The following DGLUCY variants were observed in gnomAD, a reference collection of about 807,000 sequenced individuals.
DGLUCY encodes the protein D-glutamate cyclase, mitochondrial.
A neutral mutation model predicts 58.5 loss-of-function variants in DGLUCY; 58 were observed. That is an observed-to-expected ratio of 0.99 (90% CI 0.80 to 1.23). The LOEUF (loss-of-function observed/expected upper bound fraction) is 1.23. Among genes scored for constraint, DGLUCY ranks in the 50% most tolerant of loss-of-function variants. The pLI is 0.00. For missense variants in DGLUCY, 779 were observed against 784.7 expected (o/e 0.99, Z 0.09); for synonymous variants, 325 against 314.1 (o/e 1.03, Z -0.37).
chr14:91,201,367 C>T lies in DGLUCY; in HGVS notation c.1444+1462C>T, dbSNP rs111641531. ...TGTCTCAAATGCAGTGGCGCAATCT[C>T]GGCTCACTGCAACCTCCGCCTCCCA... On this transcript the variant is annotated intron_variant, in intron 11 of 13. Coordinates refer to ENST00000256324, the MANE Select transcript of DGLUCY (RefSeq NM_001102368.3). Among the ~76,000 whole-genome samples, 124 of 151,458 alleles carry T rather than the reference C, an allele frequency of 8.2e-4. 1 individual carries two copies. Among genetic ancestry groups the T allele is most frequent in the African/African-American group, 2.8e-3 (114 of 41,310 alleles).
chr14:91,099,261 G>A (rs1384531180), intron 1 of DGLUCY, among the ~76,000 whole-genome samples: 1 of 152,116 alleles, frequency 6.6e-6, no homozygotes, highest in Non-Finnish European at 1.5e-5. Flanking sequence ...GGCCAGGCAC[G>A]GTGACTCATG....
intron 1 of DGLUCY, among the ~76,000 whole-genome samples, chr14:91,108,522 T>TGAGA (rs1318637468): frequency 6.0e-4 from 44 of 73,922 alleles, no homozygotes; most frequent in Middle Eastern, 9.4e-3. Flanking sequence ...TGTGTGTGTG[T>TGAGA]GTGTGAGAGA....
intron 1 of DGLUCY, among the ~76,000 whole-genome samples, chr14:91,067,290 T>C (rs1275606825): frequency 6.6e-6 from 1 of 151,736 alleles, no homozygotes; most frequent in Non-Finnish European, 1.5e-5. Flanking sequence ...AGGTGGTACA[T>C]GGACAGTCAT....
chr14:91,068,368 A>C (rs549329835), intron 1 of DGLUCY, among the ~76,000 whole-genome samples: 11 of 152,294 alleles, frequency 7.2e-5, no homozygotes, highest in Non-Finnish European at 1.5e-5. Flanking sequence ...ATCCAATTAA[A>C]AGATATAAAG....
intron 13 of DGLUCY, chr14:91,223,889 G>A (rs1435114504): frequency 6.2e-6 from 2 of 322,322 alleles, no homozygotes; most frequent in African/African-American, 4.3e-5. Context: ...CTAAGGCACA[G>A]AACAGTTAAA....
intron 7 of DGLUCY, among the ~76,000 whole-genome samples, chr14:91,179,151 C>T (rs572373194): frequency 5.9e-5 from 9 of 152,212 alleles, no homozygotes; most frequent in Non-Finnish European, 1.0e-4. Flanking sequence ...GAGCAATGGT[C>T]GCTCTTCTCC....
chr14:91,084,692 G>C (rs958619666), intron 1 of DGLUCY, among the ~76,000 whole-genome samples: 1 of 152,182 alleles, frequency 6.6e-6, no homozygotes, highest in African/African-American at 2.4e-5. Flanking sequence ...GCTTTGGTCT[G>C]CTCCACTCCA....
intron 13 of DGLUCY, chr14:91,220,570 C>T (rs1170463547): frequency 4.4e-6 from 2 of 456,230 alleles, no homozygotes; most frequent in African/African-American, 4.0e-5. Context: ...CTGGGGCCTC[C>T]AGATGCCATG....
exon 1 of DGLUCY, chr14:91,060,657 C>A (rs1595591553): frequency 8.6e-6 from 4 of 465,238 alleles, no homozygotes; most frequent in Non-Finnish European, 1.0e-5. Context: ...CAAACCGCCC[C>A]CTGCTCCACC....
At chr14:91,060,973 CCTTATTCCCCAG>C (rs2043656535) in intron 1 of DGLUCY, 1 of 152,666 alleles carries the variant, frequency 6.6e-6, no homozygotes, top group South Asian at 2.0e-4. Context: ...CGGTCACACC[CCTTATTCCCCAG>C]CTTCGATCTG....
chr14:91,204,693 C>G lies in DGLUCY; in HGVS notation c.1445-13C>G. ...CTGGTCCCGTGCACTGACTCAGCTCCCCTTCCCTTCAGGAGTCGGTGATGG... is the reference window on the plus strand; with the variant it reads ...CTGGTCCCGTGCACTGACTCAGCTCGCCTTCCCTTCAGGAGTCGGTGATGG... On this transcript the variant is annotated splice_polypyrimidine_tract_variant and intron_variant, in intron 11 of 13. Transcript: ENST00000256324. 6.2e-7 allele frequency: 1 copy of G among 1,613,234 alleles called. No individual in the cohort carries two copies. The highest frequency in any genetic ancestry group is 1.1e-5 in the South Asian group (1 of 90,882).
intron 1 of DGLUCY, among the ~76,000 whole-genome samples, chr14:91,097,637 GTC>G (rs1375552471): frequency 6.6e-6 from 1 of 150,612 alleles, no homozygotes; most frequent in Non-Finnish European, 1.5e-5. Flanking sequence ...TTGACCCCAT[GTC>G]TCTCTCTACT....
At chr14:91,192,173 C>A (rs1360079847) in intron 9 of DGLUCY, among the ~76,000 whole-genome samples, 1 of 152,144 alleles carries the variant, frequency 6.6e-6, no homozygotes, top group Non-Finnish European at 1.5e-5. Context: ...TATTACTCAG[C>A]CTTAAAAAGG....
intron 1 of DGLUCY, among the ~76,000 whole-genome samples, chr14:91,131,030 C>T (rs2045997955): frequency 6.6e-6 from 1 of 152,088 alleles, no homozygotes; most frequent in African/African-American, 2.4e-5. Flanking sequence ...TTACTGCAGC[C>T]TCAACCTCCC....
chr14:91,217,321 A>G (rs985503003), intron 13 of DGLUCY, among the ~76,000 whole-genome samples: 1 of 151,966 alleles, frequency 6.6e-6, no homozygotes, highest in Non-Finnish European at 1.5e-5. Flanking sequence ...AGGTCTGGGG[A>G]GATGGGAAAG....
chr14:91,119,173 TCCACAGGGTCATTCAGGAA>T (rs2045194230), intron 1 of DGLUCY, among the ~76,000 whole-genome samples: 1 of 152,112 alleles, frequency 6.6e-6, no homozygotes, highest in Non-Finnish European at 1.5e-5. Flanking sequence ...ACAACTCTGC[TCCACAGGGTCATTCAGGAA>T]CCCAGCTTCC....
intron 1 of DGLUCY, among the ~76,000 whole-genome samples, chr14:91,073,944 AC>A (rs2043964769): frequency 6.6e-6 from 1 of 150,774 alleles, no homozygotes; most frequent in Non-Finnish European, 1.5e-5. Flanking sequence ...AATATAGCAA[AC>A]CCCCATCTCT....
intron 12 of DGLUCY, among the ~76,000 whole-genome samples, chr14:91,207,815 C>T (rs1197011600): frequency 5.3e-5 from 8 of 151,974 alleles, no homozygotes; most frequent in South Asian, 2.1e-4. Context: ...GGCGCAATCT[C>T]GGCTCGCCAC....
intron 1 of DGLUCY, among the ~76,000 whole-genome samples, chr14:91,086,850 C>T (rs1305665743): frequency 6.6e-6 from 1 of 152,142 alleles, no homozygotes; most frequent in African/African-American, 2.4e-5. Flanking sequence ...ACCTCCGAGG[C>T]TTAAGCCATT....
Sources: allele counts gnomAD v4.1 joint callset (sites outside exome capture counted in the v4.1 genomes callset), GRCh38; gene constraint gnomAD v4.1.1; transcripts MANE v1.5; gene names NCBI Gene and HGNC (gene_info 2026-07-23, HGNC 2026-07-21).